Variants in GLRX3 observed in about 807,000 individuals in gnomAD.
GLRX3 encodes glutaredoxin-3.
A neutral mutation model predicts 49.5 loss-of-function variants in GLRX3; 22 were observed. The observed-to-expected ratio is 0.44, with a 90% CI of 0.32 to 0.63. The LOEUF is 0.63. GLRX3 is among the 30% of genes least tolerant of loss of function. The pLI is 0.05. For missense variants in GLRX3, 385 were observed against 396.3 expected, an observed-to-expected ratio of 0.97 and a Z score of 0.24; for synonymous variants, 133 against 140.0, an observed-to-expected ratio of 0.95 and a Z score of 0.35.
chr10:130,176,071 A>G (rs978078351), intron 10 of GLRX3, among the ~76,000 whole-genome samples: 3 of 152,108 alleles, frequency 2.0e-5, no homozygotes, highest in Admixed American at 1.3e-4. Context: ...TGGAAAACAA[A>G]TAGCAAGTAG....
At chr10:130,164,705 G>A (rs1007218722) in intron 4 of GLRX3, among the ~76,000 whole-genome samples, 1 of 152,160 alleles carries the variant, frequency 6.6e-6, no homozygotes, top group Non-Finnish European at 1.5e-5. Flanking sequence ...ATCCTTAAGC[G>A]TAACATTTCT....
At chr10:130,143,729 G>C (rs1056825614) in intron 1 of GLRX3, among the ~76,000 whole-genome samples, 13 of 148,872 alleles carry the variant, frequency 8.7e-5, no homozygotes, top group Non-Finnish European at 1.6e-4. Context: ...GCAGAGTCTT[G>C]CTCTGCCATC....
intron 4 of GLRX3, among the ~76,000 whole-genome samples, chr10:130,162,446 G>A (rs958151337): frequency 2.0e-5 from 3 of 152,182 alleles, no homozygotes; most frequent in Admixed American, 6.5e-5. Flanking sequence ...TTTAACGGGG[G>A]TTGCAAATGG....
intron 2 of GLRX3, among the ~76,000 whole-genome samples, chr10:130,153,908 A>G (rs905497229): frequency 6.6e-6 from 1 of 152,216 alleles, no homozygotes; most frequent in Admixed American, 6.5e-5. Context: ...GGTGGAATCT[A>G]GAGAGGCAGC....
chr10:130,171,767 A>T (rs1365566398), intron 8 of GLRX3, 131 bp downstream of exon 8: 7 of 653,172 alleles, frequency 1.1e-5, no homozygotes, highest in Admixed American at 2.6e-5. Flanking sequence ...GGTGTTCGAG[A>T]CCAGCCTGGA....
At position 130,146,399 on chromosome 10, in the gene GLRX3, A is replaced by G. The variant is rs910428680; in HGVS notation, c.201+1080A>G. On this transcript the variant is annotated intron_variant, in intron 2 of 10. Coordinates refer to ENST00000331244, the MANE Select transcript of GLRX3 (RefSeq NM_006541.5). ...AGTCTTTCTAACCTGTTCAGAATGT[A>G]GAGGAAGATGGAAGCCAGTCAGTCT... Among the ~76,000 whole-genome samples the G allele has an allele frequency of 2.6e-5, 4 of 152,180 alleles. No homozygotes were observed. The South Asian group carries it at 6.2e-4, about 24-fold the overall frequency.
At chr10:130,152,457 C>T (rs941778483) in intron 2 of GLRX3, among the ~76,000 whole-genome samples, 1 of 152,182 alleles carries the variant, frequency 6.6e-6, no homozygotes, top group African/African-American at 2.4e-5. Flanking sequence ...TTGTTCCTTT[C>T]CATGTTTAGT....
intron 8 of GLRX3, among the ~76,000 whole-genome samples, chr10:130,174,449 C>G (rs1862875339): frequency 6.6e-6 from 1 of 152,198 alleles, no homozygotes; most frequent in Non-Finnish European, 1.5e-5. Context: ...AGCTGGCTGC[C>G]CATTTTTGTA....
At chr10:130,178,038 G>C (rs75964448) in intron 10 of GLRX3, among the ~76,000 whole-genome samples, 1 of 152,274 alleles carries the variant, frequency 6.6e-6, no homozygotes, top group East Asian at 1.9e-4. Context: ...CCTGGTGGTA[G>C]CTCTTTTGAT....
chr10:130,160,091 G>T, intron 3 of GLRX3, 22 bp downstream of exon 3: 1 of 1,447,456 alleles, frequency 6.9e-7, no homozygotes, highest in South Asian at 1.1e-5. Context: ...GGTGGTACAA[G>T]AGATTATCCA....
chr10:130,169,551 G>T, intron 7 of GLRX3, 61 bp downstream of exon 7: 1 of 1,046,646 alleles, frequency 9.6e-7, no homozygotes. Context: ...CTGCAACAAG[G>T]GGACAGTTAA....
At chr10:130,176,519 G>A (rs1862923413) in intron 10 of GLRX3, among the ~76,000 whole-genome samples, 1 of 152,166 alleles carries the variant, frequency 6.6e-6, no homozygotes, top group African/African-American at 2.4e-5. Context: ...TAAAAACAAA[G>A]CTTGAGTTCC....
At chr10:130,153,923 C>T (rs1862427473) in intron 2 of GLRX3, among the ~76,000 whole-genome samples, 1 of 152,320 alleles carries the variant, frequency 6.6e-6, no homozygotes, top group East Asian at 1.9e-4. Flanking sequence ...GGCAGCAGGC[C>T]TTGCTGAGCT....
At chr10:130,141,749 A>G (rs1008261681) in intron 1 of GLRX3, among the ~76,000 whole-genome samples, 2 of 152,138 alleles carry the variant, frequency 1.3e-5, no homozygotes, top group African/African-American at 4.8e-5. Flanking sequence ...TATTATGTAT[A>G]GGGCTGCTGT....
intron 1 of GLRX3, among the ~76,000 whole-genome samples, chr10:130,144,635 A>G (rs1412556915): frequency 6.6e-6 from 1 of 152,216 alleles, no homozygotes; most frequent in Non-Finnish European, 1.5e-5. Context: ...AAAGGACATG[A>G]ACTCATTCCT....
intron 2 of GLRX3, chr10:130,159,640 A>G (rs867571374): frequency 5.7e-5 from 12 of 209,546 alleles, no homozygotes; most frequent in South Asian, 1.3e-4. Context: ...AAGCACTGTA[A>G]TCATGACATA....
intron 2 of GLRX3, among the ~76,000 whole-genome samples, chr10:130,150,929 GT>G (rs796193513): frequency 0.018 from 2,430 of 137,480 alleles, 55 homozygotes; most frequent in African/African-American, 0.057. Flanking sequence ...TGGTAGAATT[GT>G]TTTTTTTTTT....
In GLRX3 at chr10:130,172,600, A is replaced by G. The variant is rs556489524; in HGVS notation, c.824+964A>G. ...AATCTTTGATATACTTCAAAGATCT[A>G]TTGAAAATAGTTAAATAGTACAGGT... On this transcript the variant is annotated intron_variant, in intron 8 of 10. Transcript: ENST00000331244. Among the ~76,000 whole-genome samples, 18 of 152,310 alleles carry G rather than the reference A, an allele frequency of 1.2e-4. 1 individual carries two copies. Among genetic ancestry groups the G allele is most frequent in the Admixed American group, 2.6e-4 (4 of 15,294 alleles).
chr10:130,167,493 A>G (rs909240061), intron 6 of GLRX3, among the ~76,000 whole-genome samples: 99 of 152,182 alleles, frequency 6.5e-4, no homozygotes, highest in Non-Finnish European at 2.5e-4. Context: ...GGTGTGAAAC[A>G]TGTATTTGTT....
Sources: allele counts gnomAD v4.1 joint callset (sites outside exome capture counted in the v4.1 genomes callset), GRCh38; gene constraint gnomAD v4.1.1; transcripts MANE v1.5; gene names NCBI Gene and HGNC (gene_info 2026-07-23, HGNC 2026-07-21).